CASP6: variants seen among roughly 807,000 people sequenced by gnomAD.
The protein encoded by CASP6 is caspase 6.
A neutral mutation model predicts 31.8 loss-of-function variants in CASP6; 20 were observed. The ratio of observed to expected loss-of-function variants is 0.63; its 90% CI spans 0.44 to 0.91. The LOEUF (loss-of-function observed/expected upper bound fraction) is 0.91, where lower values mean the gene tolerates loss of function less well. Among genes scored for constraint, CASP6 ranks in the 40% least tolerant of loss-of-function variants. The pLI, the probability that CASP6 is intolerant of heterozygous loss-of-function variation, is 0.00. For synonymous variants in CASP6, 130 were observed against 127.8 expected, an observed-to-expected ratio of 1.02 and a Z score of -0.12; for missense variants, 328 against 361.1, an observed-to-expected ratio of 0.91 and a Z score of 0.74.
chr4:109,689,266 T>A lies in CASP6; in HGVS notation c.*64A>T, dbSNP rs993852321. The A allele has an allele frequency of 7.4e-6, 11 of 1,493,794 alleles. No individual in the cohort carries two copies. In the Admixed American group the frequency reaches 1.7e-4, roughly 23 times the overall value. 92.5% of individuals were successfully genotyped at this position (1,493,794 alleles called of 1,614,324 possible). ...AAAGTGCTGGGATTACAGGTGTGAG[T>A]AACCACGCCTGGCTGAGAAAGCCAT... On this transcript the variant is annotated 3_prime_UTR_variant, in exon 7 of 7. Transcript: ENST00000265164.
At chr4:109,702,636 C>T (rs1463120430) in intron 1 of CASP6, 1 of 152,304 alleles carries the variant, frequency 6.6e-6, no homozygotes, top group African/African-American at 2.4e-5. Context: ...GCGTTTCGAC[C>T]TTTTTGTTTG....
chr4:109,687,612 G>A (rs761571574), downstream of CASP6: 61 of 1,531,594 alleles, frequency 4.0e-5, no homozygotes, highest in African/African-American at 2.6e-4. Context: ...TTTAAATGTC[G>A]TCAGATTTTC....
chr4:109,667,202 A>G, the CASP6 span, among the ~76,000 whole-genome samples: 1 of 152,148 alleles, frequency 6.6e-6, no homozygotes, highest in African/African-American at 2.4e-5. Flanking sequence ...ATTCACCAAG[A>G]AAATCCATCT....
chr4:109,709,096 G>T, the CASP6 span, among the ~76,000 whole-genome samples: 2 of 152,148 alleles, frequency 1.3e-5, no homozygotes, highest in African/African-American at 2.4e-5. Flanking sequence ...TCCTATGAAA[G>T]TACTGAACCC....
the CASP6 span, among the ~76,000 whole-genome samples, chr4:109,678,973 C>T: frequency 5.5e-5 from 8 of 144,190 alleles, no homozygotes; most frequent in African/African-American, 1.1e-4. Context: ...ACTTCCCATT[C>T]GGGGCAGCCA....
chr4:109,686,723 T>TA (rs1421081656), downstream of CASP6, among the ~76,000 whole-genome samples: 2 of 152,148 alleles, frequency 1.3e-5, no homozygotes, highest in East Asian at 3.9e-4. Flanking sequence ...AATTTGTTTT[T>TA]AAATTAGCTG....
the CASP6 span, chr4:109,682,758 G>T: frequency 2.5e-6 from 4 of 1,591,564 alleles, no homozygotes; most frequent in South Asian, 1.1e-5. Flanking sequence ...GAAGCATCAC[G>T]GTTGAGTATA....
chr4:109,705,192 T>C (rs1262023285), upstream of CASP6, among the ~76,000 whole-genome samples: 1 of 152,238 alleles, frequency 6.6e-6, no homozygotes, highest in Non-Finnish European at 1.5e-5. Flanking sequence ...CTGAAAATCC[T>C]AGTGCCCTTA....
the CASP6 span, among the ~76,000 whole-genome samples, chr4:109,674,550 ACT>A: frequency 6.6e-6 from 1 of 152,160 alleles, no homozygotes. Context: ...GGACTGGCTG[ACT>A]CTGTTAGAAC....
upstream of CASP6, among the ~76,000 whole-genome samples, chr4:109,705,974 T>TAAA (rs59584573): frequency 5.8e-4 from 17 of 29,396 alleles, no homozygotes; most frequent in African/African-American, 1.3e-3. Context: ...AGACACTCTT[T>TAAA]AAAAAAAAAA....
In CASP6 at chr4:109,697,683, A is replaced by C. The variant is rs1372122037; in HGVS notation, c.169T>G (p.Trp57Gly). 6.2e-7 allele frequency: 1 copy of C among 1,614,042 alleles called. No individual in the cohort carries two copies. The highest frequency in any genetic ancestry group is 2.2e-5 in the East Asian group (1 of 44,888). Residue 57 changes from tryptophan to glycine, a missense_variant, in exon 3 of 7, where the codon TGG (tryptophan) becomes GGG (glycine). Trp to Gly is a radical substitution (Grantham distance 184). Coordinates refer to ENST00000265164, the MANE Select transcript of CASP6 (RefSeq NM_001226.4). Reference protein sequence around the residue: ...ALIFNHERFFWHLTLPERRGT... With the variant: ...ALIFNHERFFGHLTLPERRGT... ...CGCCTTTCTGGCAGTGTTAAGTGCC[A>C]AAAGAACCTCTCATGATTGAAGATT...
intron 6 of CASP6, among the ~76,000 whole-genome samples, chr4:109,690,265 A>G (rs1730002868): frequency 6.9e-6 from 1 of 145,044 alleles, no homozygotes; most frequent in Admixed American, 6.9e-5. Context: ...CACGCACGCA[A>G]TGGCTCATAC....
At chr4:109,693,742 ATTT>A (rs1181800373) in intron 5 of CASP6, among the ~76,000 whole-genome samples, 1 of 139,578 alleles carries the variant, frequency 7.2e-6, no homozygotes, top group African/African-American at 2.7e-5. Flanking sequence ...AAAAAAAAAA[ATTT>A]TTTTTTTTTT....
the CASP6 span, among the ~76,000 whole-genome samples, chr4:109,677,959 C>T: frequency 6.6e-6 from 1 of 151,884 alleles, no homozygotes; most frequent in East Asian, 1.9e-4. Context: ...GCAGAGGTCC[C>T]TGCGGCCTTC....
At chr4:109,693,879 C>T (rs1387226958) in intron 5 of CASP6, among the ~76,000 whole-genome samples, 9 of 151,844 alleles carry the variant, frequency 5.9e-5, no homozygotes, top group Admixed American at 5.9e-4. Context: ...GCTGGGATTA[C>T]AGGCACCTGC....
the CASP6 span, among the ~76,000 whole-genome samples, chr4:109,664,850 T>C: frequency 6.6e-6 from 1 of 152,184 alleles, no homozygotes; most frequent in African/African-American, 2.4e-5. Context: ...CTTTAGGATC[T>C]TGAATGCTTA....
At chr4:109,685,277 T>C, downstream of CASP6, 1 of 1,520,424 alleles carries the variant, frequency 6.6e-7, no homozygotes, top group South Asian at 1.1e-5. Flanking sequence ...CTGTTAAGAG[T>C]AGGCAATTTC....
the CASP6 span, among the ~76,000 whole-genome samples, chr4:109,665,389 G>A: frequency 3.7e-3 from 562 of 152,160 alleles, 6 homozygotes; most frequent in East Asian, 0.015. Flanking sequence ...ATTAGCCTAT[G>A]GTAAAATTGG....
chr4:109,704,578 T>C (rs1315206621), upstream of CASP6, among the ~76,000 whole-genome samples: 1 of 152,198 alleles, frequency 6.6e-6, no homozygotes, highest in Non-Finnish European at 1.5e-5. Context: ...GCAGAGAGGA[T>C]GGTTCCTGAG....
Sources: allele counts gnomAD v4.1 joint callset (sites outside exome capture counted in the v4.1 genomes callset), GRCh38; gene constraint gnomAD v4.1.1; transcripts MANE v1.5; gene names NCBI Gene and HGNC (gene_info 2026-07-23, HGNC 2026-07-21).